Variants in ARHGAP15 observed in about 807,000 individuals in gnomAD.
The protein encoded by ARHGAP15 is Rho GTPase activating protein 15.
Under a neutral mutation model 63.7 loss-of-function variants are expected in ARHGAP15, and 51 were observed. The observed-to-expected ratio is 0.80, with a 90% CI of 0.64 to 1.01. The LOEUF is 1.01. ARHGAP15 is among the 50% of genes least tolerant of loss of function. The pLI, the probability that ARHGAP15 is intolerant of heterozygous loss-of-function variation, is 0.00. For missense variants in ARHGAP15, 560 were observed against 564.6 expected (o/e 0.99, Z 0.08); for synonymous variants, 191 against 193.8 (o/e 0.99, Z 0.12).
chr2:143,459,886 TA>T (rs887510502), intron 8 of ARHGAP15, among the ~76,000 whole-genome samples: 1 of 152,160 alleles, frequency 6.6e-6, no homozygotes, highest in African/African-American at 2.4e-5. Context: ...GAAGCATACT[TA>T]GAATAAACGT....
chr2:143,313,875 T>G (rs1683564817), intron 6 of ARHGAP15, among the ~76,000 whole-genome samples: 1 of 152,186 alleles, frequency 6.6e-6, no homozygotes, highest in Non-Finnish European at 1.5e-5. Flanking sequence ...TGTTGTACTT[T>G]GATTTTTAAG....
intron 4 of ARHGAP15, among the ~76,000 whole-genome samples, chr2:143,225,748 T>G (rs948073681): frequency 6.6e-6 from 1 of 152,248 alleles, no homozygotes; most frequent in African/African-American, 2.4e-5. Flanking sequence ...TGAGCCTCAT[T>G]TTTCATATTA....
intron 13 of ARHGAP15, among the ~76,000 whole-genome samples, chr2:143,727,314 TAAAC>T (rs1038906611): frequency 9.2e-5 from 14 of 152,254 alleles, no homozygotes; most frequent in African/African-American, 3.4e-4. Context: ...TCAAGTATAA[TAAAC>T]AGAGTTTTAT....
intron 8 of ARHGAP15, among the ~76,000 whole-genome samples, chr2:143,466,581 G>C (rs865905828): frequency 1.3e-5 from 2 of 151,952 alleles, no homozygotes; most frequent in South Asian, 2.1e-4. Context: ...CATAAATCAA[G>C]CATATTCAGG....
intron 1 of ARHGAP15, among the ~76,000 whole-genome samples, chr2:143,141,190 G>T (rs927435001): frequency 6.6e-6 from 1 of 152,122 alleles, no homozygotes; most frequent in African/African-American, 2.4e-5. Context: ...TTGGGATTTG[G>T]AGTCACAGTC....
chr2:143,165,949 A>AGAGG (rs1356984472), intron 2 of ARHGAP15, among the ~76,000 whole-genome samples: 1 of 122,284 alleles, frequency 8.2e-6, no homozygotes, highest in African/African-American at 3.2e-5. Flanking sequence ...AAAAGAAGAA[A>AGAGG]GAAAGAAAGA....
At chr2:143,478,755 T>C (rs1691939634) in intron 8 of ARHGAP15, among the ~76,000 whole-genome samples, 1 of 152,242 alleles carries the variant, frequency 6.6e-6, no homozygotes, top group African/African-American at 2.4e-5. Context: ...AAGTGGAAAT[T>C]AAGACTATTT....
At chr2:143,461,159 G>A (rs79035704) in intron 8 of ARHGAP15, among the ~76,000 whole-genome samples, 32,794 of 151,310 alleles carry the variant, frequency 0.22, 3,852 homozygotes, top group Admixed American at 0.29. Context: ...GCACGGTGGC[G>A]CACACCTGTA....
intron 13 of ARHGAP15, among the ~76,000 whole-genome samples, chr2:143,718,483 G>A (rs540919052): frequency 4.6e-5 from 7 of 152,248 alleles, no homozygotes; most frequent in Non-Finnish European, 8.8e-5. Flanking sequence ...TTTTTCCCCA[G>A]CTCCATTCAT....
intron 6 of ARHGAP15, among the ~76,000 whole-genome samples, chr2:143,390,342 A>G (rs1245336844): frequency 6.6e-6 from 1 of 152,102 alleles, no homozygotes; most frequent in Non-Finnish European, 1.5e-5. Context: ...ATCCTAGAAA[A>G]GGGGGCAGGT....
intron 12 of ARHGAP15, among the ~76,000 whole-genome samples, chr2:143,665,775 C>G (rs1559113405): frequency 6.6e-6 from 1 of 151,822 alleles, no homozygotes; most frequent in African/African-American, 2.4e-5. Flanking sequence ...ACACCAATAA[C>G]AGACAAACAG....
chr2:143,688,710 G>C (rs1683459073), intron 12 of ARHGAP15, among the ~76,000 whole-genome samples: 1 of 152,258 alleles, frequency 6.6e-6, no homozygotes, highest in South Asian at 2.1e-4. Flanking sequence ...ACATGCAAAA[G>C]ACAATTTTGA....
chr2:143,620,935 T>C (rs1166907669), intron 11 of ARHGAP15, among the ~76,000 whole-genome samples: 1 of 152,210 alleles, frequency 6.6e-6, no homozygotes, highest in East Asian at 1.9e-4. Flanking sequence ...AAGGTCATAT[T>C]AAGGAAATAT....
chr2:143,621,049 G>T (rs921650906), intron 11 of ARHGAP15, among the ~76,000 whole-genome samples: 1 of 152,126 alleles, frequency 6.6e-6, no homozygotes, highest in Non-Finnish European at 1.5e-5. Flanking sequence ...TCACTATAGT[G>T]GCTCTCAACC....
At chr2:143,657,840 T>A (rs1037756373) in intron 12 of ARHGAP15, among the ~76,000 whole-genome samples, 13 of 152,344 alleles carry the variant, frequency 8.5e-5, no homozygotes, top group African/African-American at 3.1e-4. Context: ...ATTGTGGCCT[T>A]GGGACATAAT....
At chr2:143,225,864 A>G (rs1330066872) in intron 4 of ARHGAP15, among the ~76,000 whole-genome samples, 1 of 152,216 alleles carries the variant, frequency 6.6e-6, no homozygotes, top group Non-Finnish European at 1.5e-5. Flanking sequence ...GCTAATTATT[A>G]TTTTAAAAGA....
intron 6 of ARHGAP15, among the ~76,000 whole-genome samples, chr2:143,277,215 C>T (rs567748825): frequency 2.6e-5 from 4 of 152,196 alleles, no homozygotes; most frequent in African/African-American, 9.6e-5. Flanking sequence ...TTTCAAACAA[C>T]AAGAAATAAA....
chr2:143,413,971 G>GCACGCGCGCGCGCA (rs147891307), intron 6 of ARHGAP15, among the ~76,000 whole-genome samples: 2 of 147,640 alleles, frequency 1.4e-5, no homozygotes, highest in African/African-American at 2.5e-5. Context: ...GTGTGTGCGC[G>GCACGCGCGCGCGCA]CTCTCTGGCA....
intron 6 of ARHGAP15, among the ~76,000 whole-genome samples, chr2:143,315,830 A>G (rs1683676375): frequency 6.6e-6 from 1 of 152,162 alleles, no homozygotes; most frequent in Non-Finnish European, 1.5e-5. Context: ...CGGGCCTGTA[A>G]TCCCAGCACT....
Sources: gnomAD v4.1 joint callset for allele counts (sites outside exome capture counted in the v4.1 genomes callset) on GRCh38, gnomAD v4.1.1 for gene constraint, MANE v1.5 for transcripts, NCBI Gene and HGNC (gene_info 2026-07-23, HGNC 2026-07-21) for gene names.